Variants in CACNB4 observed in about 807,000 individuals in gnomAD.
CACNB4 encodes the protein voltage-dependent L-type calcium channel subunit beta-4.
A neutral mutation model predicts 71.2 loss-of-function variants in CACNB4; 32 were observed. That is an observed-to-expected ratio of 0.45 (90% CI 0.34 to 0.60). CACNB4 has a LOEUF of 0.60. Ranked by LOEUF, CACNB4 falls within the 20% of genes least tolerant of loss-of-function variation. CACNB4 has a pLI of 0.01. For missense variants in CACNB4, 464 were observed against 647.9 expected (o/e 0.72, Z 3.08); for synonymous variants, 231 against 236.9 (o/e 0.97, Z 0.23).
At chr2:152,023,678 G>A (rs1452624978) in intron 2 of CACNB4, among the ~76,000 whole-genome samples, 3 of 151,966 alleles carry the variant, frequency 2.0e-5, no homozygotes, top group Admixed American at 6.6e-5. Context: ...CAGGTGATCC[G>A]CCTGCCTCAG....
intron 13 of CACNB4, among the ~76,000 whole-genome samples, chr2:151,839,863 T>C (rs1030863117): frequency 6.6e-6 from 1 of 152,216 alleles, no homozygotes; most frequent in Non-Finnish European, 1.5e-5. Context: ...TTTAATAAAA[T>C]TATTATTTGT....
Position 151,841,895 on chromosome 2 carries a change from G to T in CACNB4, c.1302+8C>A. The T allele has an allele frequency of 6.2e-7, 1 of 1,612,438 alleles. No homozygotes were observed. The highest frequency in any genetic ancestry group is 8.5e-7 in the Non-Finnish European group (1 of 1,179,064). On this transcript the variant is annotated splice_region_variant and intron_variant, in intron 13 of 13. Coordinates refer to ENST00000539935, the MANE Select transcript of CACNB4 (RefSeq NM_000726.5). ...TTGTAAAAAGCATGAGTGAAAAAGT[G>T]ACAATACCTGTAACCCAGAAATTGC... is the stretch of plus-strand genomic sequence containing the variant.
chr2:152,089,173 T>C (rs948955149), intron 2 of CACNB4, among the ~76,000 whole-genome samples: 24 of 152,336 alleles, frequency 1.6e-4, no homozygotes, highest in Middle Eastern at 3.4e-3. Context: ...TGAAGAGCAC[T>C]GGATTCACCT....
intron 12 of CACNB4, among the ~76,000 whole-genome samples, chr2:151,849,966 C>G (rs188875922): frequency 1.5e-4 from 23 of 152,238 alleles, no homozygotes; most frequent in African/African-American, 5.5e-4. Flanking sequence ...TGTTTGCTTT[C>G]CTGCTCGAGA....
intron 2 of CACNB4, among the ~76,000 whole-genome samples, chr2:151,909,519 C>T (rs967668588): frequency 4.6e-5 from 7 of 151,934 alleles, no homozygotes; most frequent in Admixed American, 2.0e-4. Flanking sequence ...TATATGTGTG[C>T]CATGGTGGTT....
rs775960851 is a variant in CACNB4, at chr2:151,974,009, G to C, written c.148-90639C>G. The C allele has an allele frequency of 2.9e-4, 335 of 1,138,994 alleles. 1 individual carries two copies. The highest frequency in any genetic ancestry group is 3.2e-4 in the Non-Finnish European group (298 of 926,844). 70.6% of individuals were successfully genotyped at this position (1,138,994 alleles called of 1,614,324 possible). A position where few individuals can be genotyped will look rare whatever the true frequency, so the allele number is the denominator to read the frequency against. On this transcript the variant is annotated intron_variant, in intron 2 of 13. Coordinates refer to ENST00000539935, the MANE Select transcript of CACNB4 (RefSeq NM_000726.5). ...AGGAAAGCGGCCTCTGATTGGCTCGGCTTCCCTGCTTCAGTCAGCTGAAGA... is the reference window on the plus strand; with the variant it reads ...AGGAAAGCGGCCTCTGATTGGCTCGCCTTCCCTGCTTCAGTCAGCTGAAGA...
chr2:151,850,141 C>CTTT (rs750436136), intron 12 of CACNB4: 1,006 of 98,176 alleles, frequency 0.01, 71 homozygotes, highest in African/African-American at 0.039. Flanking sequence ...TTCTTTCTTT[C>CTTT]TTTTTTTTTT....
intron 10 of CACNB4, chr2:151,858,008 T>C (rs2099840717): frequency 6.6e-6 from 1 of 152,232 alleles, no homozygotes; most frequent in African/African-American, 2.4e-5. Flanking sequence ...TTGGATAATA[T>C]GTATACAGAA....
intron 9 of CACNB4, chr2:151,861,851 A>AAAAAAAAAAAAACAAAAAAAAC (rs201014643): frequency 1.5e-5 from 2 of 135,288 alleles, no homozygotes; most frequent in Non-Finnish European, 3.2e-5. Context: ...TCAAAAAAAA[A>AAAAAAAAAAAAACAAAAAAAAC]AAAAAAACTG....
At chr2:151,925,358 T>C (rs1476994917) in intron 2 of CACNB4, among the ~76,000 whole-genome samples, 2 of 152,210 alleles carry the variant, frequency 1.3e-5, no homozygotes, top group Non-Finnish European at 2.9e-5. Context: ...CATTTGTACA[T>C]GTGAAACAAT....
chr2:152,016,282 T>C (rs1188523730), intron 2 of CACNB4, among the ~76,000 whole-genome samples: 1 of 152,198 alleles, frequency 6.6e-6, no homozygotes, highest in Non-Finnish European at 1.5e-5. Context: ...ATTTAGAAAA[T>C]ACTTTGTACA....
At chr2:151,929,076 T>C (rs2099860981) in intron 2 of CACNB4, among the ~76,000 whole-genome samples, 1 of 152,210 alleles carries the variant, frequency 6.6e-6, no homozygotes, top group Admixed American at 6.5e-5. Context: ...GAGCTTTGGC[T>C]ACCTACTGTC....
chr2:151,965,051 A>G (rs2099870715), intron 2 of CACNB4, among the ~76,000 whole-genome samples: 1 of 152,218 alleles, frequency 6.6e-6, no homozygotes, highest in Admixed American at 6.5e-5. Context: ...TCTTAATTCT[A>G]TCACTTGGAT....
chr2:152,080,888 T>A (rs1687325493), intron 2 of CACNB4, among the ~76,000 whole-genome samples: 1 of 151,988 alleles, frequency 6.6e-6, no homozygotes, highest in Admixed American at 6.6e-5. Flanking sequence ...ACCTTCCCCC[T>A]CTTGCTCCCA....
chr2:151,976,475 C>T (rs1034947574), intron 2 of CACNB4, among the ~76,000 whole-genome samples: 7 of 152,162 alleles, frequency 4.6e-5, no homozygotes, highest in East Asian at 1.9e-4. Context: ...ATTTTTCCCA[C>T]GCCTTCCATT....
chr2:151,837,833 A>G lies in CACNB4; in HGVS notation c.*1286T>C, dbSNP rs951951990. 6.6e-6 allele frequency: 1 copy of G among 152,184 alleles called. No individual in the cohort carries two copies. The highest frequency in any genetic ancestry group is 2.4e-5 in the African/African-American group (1 of 41,462). 9.4% of individuals were successfully genotyped at this position (152,184 alleles called of 1,614,324 possible). On this transcript the variant is annotated 3_prime_UTR_variant, in exon 14 of 14. Transcript: ENST00000539935. Reference sequence around the variant, plus strand: ...AAATTCTTTATAATTTTCTGCATTAAAAATGCTATAATTTTAGTCAACAAA... The same window carrying G: ...AAATTCTTTATAATTTTCTGCATTAGAAATGCTATAATTTTAGTCAACAAA...
intron 4 of CACNB4, 191 bp downstream of exon 4, chr2:151,880,609 G>A (rs2099847586): frequency 1.6e-6 from 1 of 618,826 alleles, no homozygotes; most frequent in Non-Finnish European, 2.8e-6. Context: ...TTGTCAGTGT[G>A]TGATAATGCA....
At chr2:152,020,281 G>A (rs1683584554) in intron 2 of CACNB4, among the ~76,000 whole-genome samples, 1 of 152,188 alleles carries the variant, frequency 6.6e-6, no homozygotes, top group Non-Finnish European at 1.5e-5. Context: ...GGATCAAGAT[G>A]GTGGGTGGCA....
intron 2 of CACNB4, among the ~76,000 whole-genome samples, chr2:152,038,336 T>C (rs1684701376): frequency 1.3e-5 from 2 of 152,376 alleles, no homozygotes; most frequent in South Asian, 2.1e-4. Flanking sequence ...TTCCAAGTTC[T>C]GCTGCTTGCC....
Sources: allele counts gnomAD v4.1 joint callset (sites outside exome capture counted in the v4.1 genomes callset), GRCh38; gene constraint gnomAD v4.1.1; transcripts MANE v1.5; gene names NCBI Gene and HGNC (gene_info 2026-07-23, HGNC 2026-07-21).